The following SPTA1 variants were observed in gnomAD, a reference collection of about 807,000 sequenced individuals.
SPTA1 encodes spectrin alpha chain, erythrocytic 1.
SPTA1 carries 177 observed loss-of-function variants against 324.7 expected under a neutral mutation model. The observed-to-expected ratio is 0.55, with a 90% CI of 0.48 to 0.62. SPTA1 has a LOEUF of 0.62. SPTA1 is among the 20% of genes least tolerant of loss of function. The pLI is 0.00. For missense variants in SPTA1, 3,162 were observed against 2,883.6 expected (o/e 1.10, Z -2.21); for synonymous variants, 1,195 against 1,041.3 (o/e 1.15, Z -2.84).
Position 158,669,398 on chromosome 1 carries a change from C to T in SPTA1, c.1833+10G>A. On this transcript the variant is annotated intron_variant, in intron 14 of 51. Coordinates refer to ENST00000643759, the MANE Select transcript of SPTA1 (RefSeq NM_003126.4). ...GATAACTACATCCAGCTCCTGAAAACTCTGCCTACCTTGTAATCTTCATCA... is the reference window on the plus strand; with the variant it reads ...GATAACTACATCCAGCTCCTGAAAATTCTGCCTACCTTGTAATCTTCATCA... 1.2e-6 allele frequency: 2 copies of T among 1,614,104 alleles called. No homozygotes were observed. Among genetic ancestry groups the T allele is most frequent in the Non-Finnish European group, 1.7e-6 (2 of 1,179,956 alleles).
rs545557022 is a variant in SPTA1 at position 158,663,111 on chromosome 1, G to T, written c.2221-166C>A. Among the ~76,000 whole-genome samples, 362 of 152,148 alleles carry T rather than the reference G, an allele frequency of 2.4e-3. 1 individual carries two copies. The highest frequency in any genetic ancestry group is 4.4e-3 in the Non-Finnish European group (296 of 67,988). Reference sequence around the variant, plus strand: ...TGGAGTTGGAAGGGTTGCTACACTGGGGACCACCACATCAGGTAAGGGCTA... The same window carrying T: ...TGGAGTTGGAAGGGTTGCTACACTGTGGACCACCACATCAGGTAAGGGCTA... On this transcript the variant is annotated intron_variant, in intron 16 of 51. Coordinates refer to ENST00000643759, the MANE Select transcript of SPTA1 (RefSeq NM_003126.4).
intron 21 of SPTA1, among the ~76,000 whole-genome samples, chr1:158,654,410 T>C (rs1277003348): frequency 2.6e-5 from 4 of 152,188 alleles, no homozygotes; most frequent in Non-Finnish European, 5.9e-5. Context: ...AACTGCAACA[T>C]TGGGATTATA....
At chr1:158,648,771 C>CCCCAACCAATT in intron 25 of SPTA1, 118 bp from the exon 26 acceptor site, 1 of 1,063,218 alleles carries the variant, frequency 9.4e-7, no homozygotes, top group African/African-American at 1.6e-5. Flanking sequence ...CACCCCCCCA[C>CCCCAACCAATT]CCCAACCAAT....
chr1:158,685,881 T>C (rs2101960695), intron 1 of SPTA1, among the ~76,000 whole-genome samples: 1 of 152,338 alleles, frequency 6.6e-6, no homozygotes, highest in Middle Eastern at 3.4e-3. Context: ...TCACAAACAC[T>C]ATAAATCAAA....
rs189782613 is a variant in SPTA1 at position 158,635,953 on chromosome 1, C to A, written c.5392G>T (p.Val1798Phe). 6.2e-7 allele frequency: 1 copy of A among 1,614,180 alleles called. No individual in the cohort carries two copies. Among genetic ancestry groups the A allele is most frequent in the Non-Finnish European group, 8.5e-7 (1 of 1,180,024 alleles). The change falls in exon 38 of 52, where the codon GTT becomes TTT. Residue 1798 changes from valine to phenylalanine, a missense_variant. Val to Phe is a conservative substitution (Grantham distance 50). Transcript: ENST00000643759. The stretch of plus-strand genomic sequence containing the variant: ...TCTTTGAGCTTCTCCCAGTGTTCAA[C>A]AAACTGAGCCAGCCGCAACTGGATC... ...EEIQLRLAQF[V>F]EHWEKLKELA...
chr1:158,627,138 T>C, intron 40 of SPTA1, 131 bp from the exon 41 acceptor site: 1 of 1,229,138 alleles, frequency 8.1e-7, no homozygotes, highest in Non-Finnish European at 1.2e-6. Flanking sequence ...TTAGTTTGTG[T>C]AAGTTTCTAG....
chr1:158,665,690 T>G (rs934305666), intron 16 of SPTA1, among the ~76,000 whole-genome samples: 1 of 152,224 alleles, frequency 6.6e-6, no homozygotes, highest in African/African-American at 2.4e-5. Flanking sequence ...TGTTGTTAAT[T>G]TTCGCTGTCA....
chr1:158,649,045 C>T (rs569623936), intron 25 of SPTA1, among the ~76,000 whole-genome samples: 1 of 152,274 alleles, frequency 6.6e-6, no homozygotes, highest in African/African-American at 2.4e-5. Context: ...CTGTCTGAGT[C>T]TGTTTTTCCT....
At chr1:158,633,781 G>A (rs1221769727) in intron 39 of SPTA1, among the ~76,000 whole-genome samples, 7 of 152,070 alleles carry the variant, frequency 4.6e-5, no homozygotes, top group Non-Finnish European at 1.0e-4. Context: ...GGGTGCACAT[G>A]CATGATCCAA....
At chr1:158,611,590 G>T in intron 51 of SPTA1, 1 of 524,038 alleles carries the variant, frequency 1.9e-6, no homozygotes, top group Non-Finnish European at 3.3e-6. Context: ...GCCCTTTCTT[G>T]AAAAAGAGAG....
chr1:158,645,705 T>C, intron 27 of SPTA1, 111 bp from the exon 28 acceptor site: 7 of 1,128,502 alleles, frequency 6.2e-6, no homozygotes, highest in Non-Finnish European at 9.3e-6. Flanking sequence ...TAACATTTTT[T>C]ATCTGGCTTT....
intron 48 of SPTA1, 98 bp downstream of exon 48, chr1:158,615,118 C>A: frequency 1.4e-6 from 2 of 1,400,400 alleles, no homozygotes; most frequent in Non-Finnish European, 2.0e-6. Flanking sequence ...TCTGAAGCAA[C>A]TCTTTTATCT....
In SPTA1 at chr1:158,671,415, G is replaced by T; in HGVS notation, c.1527C>A (p.Gly509=). ...LENEDLGNSL[G]SAEALLQKHE... ...GCTTCTGAAGAAGGGCTTCTGCACTGCCCAGTGAGTTTCCCAGATCCTCGT... is the reference window on the plus strand; with the variant it reads ...GCTTCTGAAGAAGGGCTTCTGCACTTCCCAGTGAGTTTCCCAGATCCTCGT... The change falls in exon 12 of 52, where the codon GGC becomes GGA. Residue 509 remains glycine, a synonymous_variant. Coordinates refer to ENST00000643759, the MANE Select transcript of SPTA1 (RefSeq NM_003126.4). 6.2e-7 allele frequency: 1 copy of T among 1,613,226 alleles called. No homozygotes were observed. Among genetic ancestry groups the T allele is most frequent in the Non-Finnish European group, 8.5e-7 (1 of 1,179,902 alleles).
chr1:158,622,930 T>C (rs1274158509), intron 43 of SPTA1, 53 bp downstream of exon 43: 1 of 1,465,884 alleles, frequency 6.8e-7, no homozygotes, highest in Non-Finnish European at 9.6e-7. Flanking sequence ...CCGAATTTCA[T>C]GGCTAATATA....
intron 1 of SPTA1, among the ~76,000 whole-genome samples, chr1:158,686,101 T>C (rs769222833): frequency 2.0e-5 from 3 of 152,238 alleles, no homozygotes; most frequent in Non-Finnish European, 4.4e-5. Flanking sequence ...TTCCCTAGCT[T>C]ACCTCAGCCA....
intron 21 of SPTA1, 35 bp from the exon 22 acceptor site, chr1:158,653,460 T>A (rs370549730): frequency 3.1e-4 from 497 of 1,612,914 alleles, no homozygotes; most frequent in Non-Finnish European, 4.0e-4. Context: ...CCGTCATTAA[T>A]TCTTGGAAAA....
rs551084590 is a variant in SPTA1, at chr1:158,652,621, C to A, written c.3221G>T (p.Arg1074Leu). ...ATAACGTTGCAATAGACGACGTCTG[C>A]GTTCTTCTGCCCGATCCAAGAGGGA... is the stretch of plus-strand genomic sequence containing the variant. ...YRSLLDRAEE[R>L]RRRLLQRYNE... is the part of the protein sequence containing the mutation. Residue 1074 changes from arginine to leucine, a missense_variant, in exon 23 of 52, where the codon CGC (arginine) becomes CTC (leucine). By Grantham distance (102) the Arg-to-Leu change is moderately radical. Coordinates refer to ENST00000643759, the MANE Select transcript of SPTA1 (RefSeq NM_003126.4). The A allele has an allele frequency of 6.2e-7, 1 of 1,614,082 alleles. No individual in the cohort carries two copies. Among genetic ancestry groups the A allele is most frequent in the South Asian group, 1.1e-5 (1 of 91,082 alleles).
At chr1:158,616,270 T>G (rs1314355772) in intron 47 of SPTA1, among the ~76,000 whole-genome samples, 2 of 152,212 alleles carry the variant, frequency 1.3e-5, no homozygotes, top group African/African-American at 4.8e-5. Flanking sequence ...AAGTATTTTC[T>G]TCTAGCTATT....
chr1:158,613,646 G>A, intron 50 of SPTA1, 75 bp downstream of exon 50: 1 of 1,596,420 alleles, frequency 6.3e-7, no homozygotes, highest in East Asian at 2.2e-5. Context: ...ATGTTTTATG[G>A]ATCATTTTAC....
Sources: gnomAD v4.1 joint callset for allele counts (sites outside exome capture counted in the v4.1 genomes callset) on GRCh38, gnomAD v4.1.1 for gene constraint, MANE v1.5 for transcripts, NCBI Gene and HGNC (gene_info 2026-07-23, HGNC 2026-07-21) for gene names.